RGL3: variants seen among roughly 807,000 people sequenced by gnomAD.
The protein encoded by RGL3 is ral guanine nucleotide dissociation stimulator-like 3.
A neutral mutation model predicts 90.6 loss-of-function variants in RGL3; 85 were observed. That is an observed-to-expected ratio of 0.94 (90% CI 0.79 to 1.12). RGL3 has a LOEUF of 1.12. RGL3 is among the 50% of genes most tolerant of loss of function. The pLI is 0.00. For synonymous variants in RGL3, 408 were observed against 385.5 expected, an observed-to-expected ratio of 1.06 and a Z score of -0.68; for missense variants, 1,034 against 939.2, an observed-to-expected ratio of 1.10 and a Z score of -1.32.
rs60359390 is a variant in RGL3, at chr19:11,414,324, C to CAT, written c.637+1611_637+1612dup. ...ATATATACATATATATATATACCTT[C>CAT]ATATATATATATATACCTTTATATA... On this transcript the variant is annotated intron_variant, in intron 5 of 18. Coordinates refer to ENST00000380456, the MANE Select transcript of RGL3 (RefSeq NM_001035223.4). Among the ~76,000 whole-genome samples the CAT allele has an allele frequency of 2.0e-4, 10 of 49,038 alleles. 1 individual carries two copies. The South Asian group carries it at 2.2e-3, about 11-fold the overall frequency. 32.2% of individuals were successfully genotyped at this position (49,038 alleles called of 152,430 possible).
rs1968699720 is a variant in RGL3, at chr19:11,402,606, C to T, written c.1242+44G>A. 5.6e-6 allele frequency: 9 copies of T among 1,612,944 alleles called. No homozygotes were observed. The African/African-American group carries it at 6.7e-5, about 12-fold the overall frequency. On this transcript the variant is annotated intron_variant, in intron 10 of 18. Coordinates refer to ENST00000380456, the MANE Select transcript of RGL3 (RefSeq NM_001035223.4). Reference sequence around the variant, plus strand: ...GACCCCATCACCATCCACAACCCTCCCTGAAGGTCCCACTTGTCCCCATCC... The same window carrying T: ...GACCCCATCACCATCCACAACCCTCTCTGAAGGTCCCACTTGTCCCCATCC...
rs750991157 is a variant in RGL3, at chr19:11,402,205, C to T, written c.1362+10G>A. The T allele has an allele frequency of 1.2e-5, 19 of 1,613,446 alleles. No individual in the cohort carries two copies. The highest frequency in any genetic ancestry group is 1.5e-5 in the Non-Finnish European group (18 of 1,179,984). On this transcript the variant is annotated intron_variant, in intron 12 of 18. Coordinates refer to ENST00000380456, the MANE Select transcript of RGL3 (RefSeq NM_001035223.4). The stretch of plus-strand genomic sequence containing the variant: ...CAGGCACCACCACACCCACTGTAGC[C>T]TCCACTCACCTTCCTCCTCTTCTCA...
At chr19:11,403,870 G>A (rs1399047169) in intron 9 of RGL3, among the ~76,000 whole-genome samples, 4 of 152,086 alleles carry the variant, frequency 2.6e-5, no homozygotes, top group Middle Eastern at 3.4e-3. Flanking sequence ...ATTTGCTGTT[G>A]TTTACTTACT....
rs34889967 is a variant in RGL3 at position 11,396,662 on chromosome 19, C to CT, written c.2014+581dup. On this transcript the variant is annotated intron_variant, in intron 18 of 18. Transcript: ENST00000380456. ...CTTCTGTCACTTGTCCGTGGACAGT[C>CT]TTTTTTTTTTTTTTTTTTTTTAAAC... Among the ~76,000 whole-genome samples the CT allele has an allele frequency of 9.3e-3, 1,147 of 123,084 alleles. 11 individuals are homozygous for CT. The highest frequency in any genetic ancestry group is 0.021 in the African/African-American group (693 of 32,316). 80.7% of individuals were successfully genotyped at this position (123,084 alleles called of 152,430 possible).
intron 18 of RGL3, among the ~76,000 whole-genome samples, chr19:11,395,191 G>A (rs560020606): frequency 6.8e-6 from 1 of 148,142 alleles, no homozygotes; most frequent in East Asian, 2.0e-4. Context: ...ACAACTTCCT[G>A]CTCACCCTAC....
At position 11,402,021 on chromosome 19, in the gene RGL3, C is replaced by T. The variant is rs771450610; in HGVS notation, c.1474G>A (p.Glu492Lys). 3.2e-6 allele frequency: 5 copies of T among 1,548,450 alleles called. No homozygotes were observed. Among genetic ancestry groups the T allele is most frequent in the African/African-American group, 1.4e-5 (1 of 73,052 alleles). The part of the protein sequence containing the change: ...AALHAQNQLT[E>K]EQSYRLSRVI... ...CTACAGGGTGGTCACCTCTGCTCCT[C>T]GGTGAGCTGGTTCTGGGCATGCAGG... Residue 492 changes from glutamate (E) to lysine (K), a missense_variant, in exon 13 of 19, where the codon GAG becomes AAG. Transcript: ENST00000380456.
chr19:11,405,822 A>G (rs1023802620), intron 7 of RGL3, among the ~76,000 whole-genome samples: 14 of 150,970 alleles, frequency 9.3e-5, no homozygotes, highest in Non-Finnish European at 1.9e-4. Flanking sequence ...CAGCCTCCCA[A>G]GTAGCTGGGA....
chr19:11,405,044 A>C, intron 9 of RGL3, 103 bp downstream of exon 9: 1 of 952,028 alleles, frequency 1.1e-6, no homozygotes. Context: ...GTAGGGAAGG[A>C]CAGAGTGTCC....
intron 4 of RGL3, 55 bp downstream of exon 4, chr19:11,416,559 C>T (rs1017957420): frequency 4.5e-6 from 7 of 1,555,612 alleles, no homozygotes; most frequent in African/African-American, 4.1e-5. Flanking sequence ...GACTGCTAAC[C>T]TTTGACCTCT....
intron 5 of RGL3, among the ~76,000 whole-genome samples, chr19:11,414,389 T>TTATATATATACCTTTA (rs1365792198): frequency 9.1e-6 from 1 of 110,334 alleles, no homozygotes; most frequent in Non-Finnish European, 1.8e-5. Context: ...ATATATACCT[T>TTATATATATACCTTTA]TATATATATA....
chr19:11,406,484 C>G lies in RGL3; in HGVS notation c.931G>C (p.Gly311Arg). 1 of 1,554,540 alleles carries G rather than the reference C, an allele frequency of 6.4e-7. No individual in the cohort carries two copies. Among genetic ancestry groups the G allele is most frequent in the Non-Finnish European group, 8.7e-7 (1 of 1,152,458 alleles). ...TGCGGGGCGGCCAAGCCCGGTGCTC[C>G]GAGCACGGAACCCAGCACACAGCCG... is the stretch of plus-strand genomic sequence containing the variant. ...VTGCVLGSVL[G>R]APGLAAPQRA... Residue 311 changes from glycine to arginine, a missense_variant, in exon 7 of 19, where the codon GGA (glycine) becomes CGA (arginine). By Grantham distance (125) the Gly-to-Arg change is moderately radical. Coordinates refer to ENST00000380456, the MANE Select transcript of RGL3 (RefSeq NM_001035223.4).
intron 2 of RGL3, among the ~76,000 whole-genome samples, chr19:11,417,470 C>CTTTTT (rs66697430): frequency 4.4e-5 from 5 of 114,532 alleles, no homozygotes; most frequent in African/African-American, 1.4e-4. Flanking sequence ...CCTAGCACCA[C>CTTTTT]TTTTTTTTTT....
chr19:11,396,189 G>A (rs191015052), intron 18 of RGL3, among the ~76,000 whole-genome samples: 1,316 of 34,660 alleles, frequency 0.038, 20 homozygotes, highest in East Asian at 0.066. Context: ...TTTTTTTTGA[G>A]ACAGAGTCTT....
chr19:11,414,544 T>C (rs1968960332), intron 5 of RGL3, among the ~76,000 whole-genome samples: 1 of 131,210 alleles, frequency 7.6e-6, no homozygotes, highest in Non-Finnish European at 1.6e-5. Flanking sequence ...TATATATATA[T>C]AAATAACTGA....
chr19:11,414,508 T>TATACACCTTC (rs1568342031), intron 5 of RGL3, among the ~76,000 whole-genome samples: 14 of 115,232 alleles, frequency 1.2e-4, no homozygotes, highest in African/African-American at 4.2e-4. Flanking sequence ...TATATATATA[T>TATACACCTTC]ATATATATAT....
intron 5 of RGL3, among the ~76,000 whole-genome samples, chr19:11,407,969 A>G (rs146372878): frequency 2.0e-4 from 30 of 151,922 alleles, no homozygotes; most frequent in African/African-American, 7.2e-4. Flanking sequence ...TGCAGGGGTA[A>G]GCTGTGCCTT....
In RGL3 at chr19:11,419,299, A is replaced by G. The variant is rs1969065375; in HGVS notation, c.-21T>C. 1.4e-6 allele frequency: 2 copies of G among 1,449,292 alleles called. No individual in the cohort carries two copies. Among genetic ancestry groups the G allele is most frequent in the South Asian group, 1.2e-5 (1 of 82,856 alleles). The allele number at this position is 1,449,292 out of a possible 1,614,324, so 89.8% of individuals were successfully genotyped here. A position where few individuals can be genotyped will look rare whatever the true frequency, so the allele number is the denominator to read the frequency against. ...TCCATGGCCGGCGCCCGTCCCTCTC[A>G]GTGGCGCCGCTGAGTGAGGCGGAAG... On this transcript the variant is annotated 5_prime_UTR_variant, in exon 1 of 19. Coordinates refer to ENST00000380456, the MANE Select transcript of RGL3 (RefSeq NM_001035223.4).
intron 6 of RGL3, 24 bp from the exon 7 acceptor site, chr19:11,406,658 AT>A: frequency 6.3e-7 from 1 of 1,590,672 alleles, no homozygotes; most frequent in Non-Finnish European, 8.6e-7. Context: ...GGGGTGTGGG[AT>A]TGGTGCTTAG....
intron 13 of RGL3, 124 bp downstream of exon 13, chr19:11,401,887 G>C: frequency 7.9e-7 from 1 of 1,263,878 alleles, no homozygotes; most frequent in Admixed American, 2.4e-5. Flanking sequence ...ACAGGTTGTA[G>C]TGGGGGATCA....
Sources: allele counts gnomAD v4.1 joint callset (sites outside exome capture counted in the v4.1 genomes callset), GRCh38; gene constraint gnomAD v4.1.1; transcripts MANE v1.5; gene names NCBI Gene and HGNC (gene_info 2026-07-23, HGNC 2026-07-21).